The following SPINK4 variants were observed in gnomAD, a reference collection of about 807,000 sequenced individuals.
SPINK4 encodes serine protease inhibitor Kazal-type 4.
A neutral mutation model predicts 12.3 loss-of-function variants in SPINK4; 10 were observed. The observed-to-expected ratio is 0.81, with a 90% CI of 0.50 to 1.37. The LOEUF (loss-of-function observed/expected upper bound fraction) is 1.37, where lower values mean the gene tolerates loss of function less well. Among genes scored for constraint, SPINK4 ranks in the 40% most tolerant of loss-of-function variants. SPINK4 has a pLI of 0.00. For missense variants in SPINK4, 91 were observed against 109.0 expected (o/e 0.84, Z 0.73); for synonymous variants, 37 against 40.2 (o/e 0.92, Z 0.30).
At chr9:33,241,438 G>A (rs78200153) in intron 1 of SPINK4, among the ~76,000 whole-genome samples, 1 of 152,108 alleles carries the variant, frequency 6.6e-6, no homozygotes, top group African/African-American at 2.4e-5. Context: ...GTTAGGACCC[G>A]CCTGGACAAA....
rs59292773 is a variant in SPINK4 at position 33,242,405 on chromosome 9, G to A, written c.61+2136G>A. ...AAGCCTTGAAAGGAGGGTATGATTC[G>A]GCGGGAGGAGAACGGAGACGAAGAC... is the stretch of plus-strand genomic sequence containing the variant. On this transcript the variant is annotated intron_variant, in intron 1 of 3. Transcript: ENST00000379721. 7.1e-3 allele frequency among the ~76,000 whole-genome samples: 1,083 copies of A among 151,912 alleles called. 9 individuals carry two copies. The highest frequency in any genetic ancestry group is 0.025 in the African/African-American group (1,031 of 41,294).
chr9:33,240,337 G>GC, intron 1 of SPINK4, 68 bp downstream of exon 1: 1 of 1,454,764 alleles, frequency 6.9e-7, no homozygotes, highest in Non-Finnish European at 9.3e-7. Context: ...GAGAGCAGAA[G>GC]CAGGGCCTGG....
intron 1 of SPINK4, among the ~76,000 whole-genome samples, chr9:33,244,602 C>T (rs1251832343): frequency 6.6e-6 from 1 of 152,142 alleles, no homozygotes; most frequent in Non-Finnish European, 1.5e-5. Flanking sequence ...CAGCTTCATT[C>T]TCTGAGGGTA....
At chr9:33,242,125 G>T (rs1820241267) in intron 1 of SPINK4, among the ~76,000 whole-genome samples, 1 of 152,152 alleles carries the variant, frequency 6.6e-6, no homozygotes, top group Non-Finnish European at 1.5e-5. Flanking sequence ...AGATTTGCCC[G>T]CCTCGGCTTC....
intron 3 of SPINK4, chr9:33,248,172 G>A (rs1048156409): frequency 1.3e-5 from 7 of 533,420 alleles, no homozygotes; most frequent in African/African-American, 3.8e-5. Flanking sequence ...CCGAGCTGGA[G>A]ACAGATTTGG....
intron 1 of SPINK4, among the ~76,000 whole-genome samples, chr9:33,241,050 A>C (rs190783408): frequency 5.5e-4 from 84 of 152,244 alleles, no homozygotes; most frequent in Middle Eastern, 3.4e-3. Flanking sequence ...AAATCAGGGG[A>C]GGTATCTCTG....
chr9:33,245,203 C>T (rs898883588), intron 2 of SPINK4, 51 bp downstream of exon 2: 1 of 1,566,616 alleles, frequency 6.4e-7, no homozygotes, highest in Non-Finnish European at 8.7e-7. Context: ...GAGGAGTCCT[C>T]TCGTCCATGC....
intron 1 of SPINK4, 106 bp from the exon 2 acceptor site, chr9:33,245,006 T>C (rs1820271863): frequency 3.9e-6 from 4 of 1,038,640 alleles, no homozygotes; most frequent in Non-Finnish European, 5.6e-6. Context: ...GAATTCCAGG[T>C]TGGGTAGTTG....
chr9:33,240,747 T>C (rs1341401371), intron 1 of SPINK4, among the ~76,000 whole-genome samples: 2 of 152,216 alleles, frequency 1.3e-5, no homozygotes, highest in African/African-American at 4.8e-5. Context: ...GACAGAGCCC[T>C]TTCCCAGGAC....
At chr9:33,246,167 T>C (rs886900463) in intron 2 of SPINK4, among the ~76,000 whole-genome samples, 15 of 151,878 alleles carry the variant, frequency 9.9e-5, no homozygotes, top group Admixed American at 9.8e-4. Flanking sequence ...CCAGGGAGAG[T>C]TCAGGAGCCC....
chr9:33,248,313 C>T, intron 3 of SPINK4, 113 bp from the exon 4 acceptor site: 1 of 1,060,150 alleles, frequency 9.4e-7, no homozygotes, highest in Non-Finnish European at 1.4e-6. Flanking sequence ...TATCCATACA[C>T]TGCATATGTG....
intron 1 of SPINK4, among the ~76,000 whole-genome samples, chr9:33,244,890 C>T (rs562539179): frequency 6.6e-6 from 1 of 152,280 alleles, no homozygotes; most frequent in South Asian, 2.1e-4. Flanking sequence ...ATAGGCTGGA[C>T]TGTCACCTTC....
intron 1 of SPINK4, among the ~76,000 whole-genome samples, chr9:33,244,722 T>C (rs1820269341): frequency 1.3e-5 from 2 of 152,222 alleles, no homozygotes; most frequent in African/African-American, 4.8e-5. Flanking sequence ...CATCCACTAC[T>C]ATCTCCTTTC....
At chr9:33,246,235 A>G (rs983051451) in intron 2 of SPINK4, among the ~76,000 whole-genome samples, 1 of 125,900 alleles carries the variant, frequency 7.9e-6, no homozygotes, top group African/African-American at 4.5e-5. Context: ...GGGGTCTTCA[A>G]TGGGACCAGC....
Position 33,240,631 on chromosome 9 carries a change from G to T in SPINK4, c.61+362G>T, listed in dbSNP as rs1820224593. Reference sequence around the variant, plus strand: ...GCTCTCAGGAGAGACTGACAAGTATGCTGGGTGCAGGGTGGTGGATGCTAA... The same window carrying T: ...GCTCTCAGGAGAGACTGACAAGTATTCTGGGTGCAGGGTGGTGGATGCTAA... On this transcript the variant is annotated intron_variant, in intron 1 of 3. Transcript: ENST00000379721. Among the ~76,000 whole-genome samples the T allele has an allele frequency of 3.9e-5, 6 of 152,358 alleles. No individual in the cohort carries two copies. The South Asian group carries it at 1.2e-3, about 32-fold the overall frequency.
chr9:33,246,127 T>G (rs1303585284), intron 2 of SPINK4, among the ~76,000 whole-genome samples: 1 of 152,122 alleles, frequency 6.6e-6, no homozygotes, highest in African/African-American at 2.4e-5. Context: ...TTTGCAGCCT[T>G]TCTGACATGG....
intron 2 of SPINK4, among the ~76,000 whole-genome samples, chr9:33,246,415 C>A (rs1820285527): frequency 6.6e-6 from 1 of 152,312 alleles, no homozygotes; most frequent in East Asian, 1.9e-4. Flanking sequence ...GCCATAGGCA[C>A]ACACGTGGTC....
chr9:33,247,195 G>A (rs369026937), intron 3 of SPINK4, among the ~76,000 whole-genome samples: 10 of 139,328 alleles, frequency 7.2e-5, no homozygotes, highest in African/African-American at 2.1e-4. Context: ...GACTCTCACT[G>A]TCACTCAGGC....
chr9:33,244,545 A>G (rs1820268092), intron 1 of SPINK4, among the ~76,000 whole-genome samples: 1 of 152,090 alleles, frequency 6.6e-6, no homozygotes, highest in Admixed American at 6.5e-5. Flanking sequence ...TCAACCCGAC[A>G]TGGGATATGG....
Sources: gnomAD v4.1 joint callset for allele counts (sites outside exome capture counted in the v4.1 genomes callset) on GRCh38, gnomAD v4.1.1 for gene constraint, MANE v1.5 for transcripts, NCBI Gene and HGNC (gene_info 2026-07-23, HGNC 2026-07-21) for gene names.